Variants in HDAC9 observed in about 807,000 individuals in gnomAD.
HDAC9 encodes the protein histone deacetylase 9.
HDAC9 carries 41 observed loss-of-function variants against 139.4 expected under a neutral mutation model. That is an observed-to-expected ratio of 0.29 (90% CI 0.23 to 0.38). The LOEUF is 0.38. HDAC9 is among the 10% of genes least tolerant of loss of function. The pLI is 1.00. For missense variants in HDAC9, 1,147 were observed against 1,297.0 expected, an observed-to-expected ratio of 0.88 and a Z score of 1.78; for synonymous variants, 517 against 476.2, an observed-to-expected ratio of 1.09 and a Z score of -1.12.
chr7:18,646,063 A>G (rs1330922968), intron 9 of HDAC9, among the ~76,000 whole-genome samples: 2 of 152,160 alleles, frequency 1.3e-5, no homozygotes, highest in African/African-American at 4.8e-5. Context: ...AATGAAAAAC[A>G]AAAAAAGGAA....
At chr7:18,145,726 C>A (rs1265035484) in intron 1 of HDAC9, among the ~76,000 whole-genome samples, 1 of 152,068 alleles carries the variant, frequency 6.6e-6, no homozygotes, top group Non-Finnish European at 1.5e-5. Flanking sequence ...ATGATTTTCT[C>A]ATCAATAGAA....
At chr7:18,897,006 A>T (rs140788590) in intron 22 of HDAC9, among the ~76,000 whole-genome samples, 68 of 152,196 alleles carry the variant, frequency 4.5e-4, no homozygotes, top group African/African-American at 1.6e-3. Flanking sequence ...ATACAATGAC[A>T]TTGTAAAGGA....
chr7:18,605,495 C>G (rs1258218133), intron 6 of HDAC9, among the ~76,000 whole-genome samples: 2 of 152,120 alleles, frequency 1.3e-5, no homozygotes, highest in Admixed American at 6.5e-5. Context: ...AAAATTGTTA[C>G]TTTTTCATTA....
intron 23 of HDAC9, among the ~76,000 whole-genome samples, chr7:18,942,222 G>T (rs1036414387): frequency 5.3e-5 from 8 of 151,950 alleles, no homozygotes; most frequent in Admixed American, 5.2e-4. Flanking sequence ...CAGAGATCGA[G>T]GAATATTTTA....
chr7:18,967,938 G>A (rs978116492), intron 24 of HDAC9, among the ~76,000 whole-genome samples: 1 of 152,098 alleles, frequency 6.6e-6, no homozygotes, highest in Non-Finnish European at 1.5e-5. Context: ...CGAGGCGGGC[G>A]GATCACCTGG....
chr7:18,138,429 T>G (rs1043449447), intron 1 of HDAC9, among the ~76,000 whole-genome samples: 8 of 151,954 alleles, frequency 5.3e-5, no homozygotes, highest in Non-Finnish European at 4.4e-5. Context: ...ACTCCTGGTT[T>G]TAGGAGATGG....
intron 17 of HDAC9, among the ~76,000 whole-genome samples, chr7:18,802,938 G>T (rs1428570287): frequency 6.6e-6 from 1 of 151,580 alleles, no homozygotes; most frequent in African/African-American, 2.4e-5. Context: ...TAATATGACT[G>T]TGTATTTTAA....
chr7:18,411,955 AG>A (rs1291343585), intron 1 of HDAC9, among the ~76,000 whole-genome samples: 2 of 149,990 alleles, frequency 1.3e-5, no homozygotes, highest in African/African-American at 4.9e-5. Flanking sequence ...CCTCCTGAGT[AG>A]CTGGGACTAC....
At chr7:18,396,792 C>T (rs1787104400) in intron 1 of HDAC9, among the ~76,000 whole-genome samples, 1 of 152,110 alleles carries the variant, frequency 6.6e-6, no homozygotes, top group South Asian at 2.1e-4. Flanking sequence ...CTTCAGTTAG[C>T]ATGTTTATCC....
chr7:18,864,309 G>A (rs1798327647), intron 21 of HDAC9, among the ~76,000 whole-genome samples: 1 of 152,188 alleles, frequency 6.6e-6, no homozygotes, highest in Admixed American at 6.5e-5. Flanking sequence ...TCACTTACAT[G>A]AGGTATCTAA....
chr7:18,447,639 G>C (rs775402636), intron 1 of HDAC9, among the ~76,000 whole-genome samples: 1 of 152,134 alleles, frequency 6.6e-6, no homozygotes, highest in Non-Finnish European at 1.5e-5. Flanking sequence ...TAAAACATCT[G>C]TATTCAGAGT....
At chr7:18,865,364 A>G (rs1441867627) in intron 21 of HDAC9, among the ~76,000 whole-genome samples, 1 of 152,158 alleles carries the variant, frequency 6.6e-6, no homozygotes. Flanking sequence ...AAGATGAAAA[A>G]TTGAGGCAAT....
intron 12 of HDAC9, among the ~76,000 whole-genome samples, chr7:18,720,548 A>G (rs1328272994): frequency 6.6e-6 from 1 of 151,738 alleles, no homozygotes; most frequent in Non-Finnish European, 1.5e-5. Flanking sequence ...TATCAGTGAA[A>G]TTATTTCATA....
At chr7:18,504,121 A>G (rs918577772) in intron 2 of HDAC9, among the ~76,000 whole-genome samples, 21 of 152,184 alleles carry the variant, frequency 1.4e-4, no homozygotes, top group Admixed American at 1.3e-3. Context: ...GCACTGTTTT[A>G]ACTTTATTCT....
intron 1 of HDAC9, among the ~76,000 whole-genome samples, chr7:18,366,102 A>T (rs1784158871): frequency 6.6e-6 from 1 of 151,126 alleles, no homozygotes; most frequent in African/African-American, 2.4e-5. Context: ...AAAATTCCCC[A>T]CTGCTATAAT....
intron 1 of HDAC9, among the ~76,000 whole-genome samples, chr7:18,404,730 T>C (rs1378479099): frequency 8.5e-5 from 13 of 152,280 alleles, no homozygotes; most frequent in Admixed American, 6.5e-4. Flanking sequence ...ATATAAACAA[T>C]AGTTAAGTTT....
At chr7:18,137,365 G>A (rs1051255897) in intron 1 of HDAC9, among the ~76,000 whole-genome samples, 1 of 150,586 alleles carries the variant, frequency 6.6e-6, no homozygotes, top group African/African-American at 2.5e-5. Flanking sequence ...GTGAGAGAGG[G>A]CATCCCTGTC....
At chr7:18,467,654 TC>T (rs2128116611) in intron 1 of HDAC9, among the ~76,000 whole-genome samples, 1 of 152,322 alleles carries the variant, frequency 6.6e-6, no homozygotes, top group South Asian at 2.1e-4. Flanking sequence ...GATATTACAG[TC>T]CCCATATATT....
intron 2 of HDAC9, among the ~76,000 whole-genome samples, chr7:18,525,678 A>G (rs999556924): frequency 2.0e-5 from 3 of 152,140 alleles, no homozygotes; most frequent in Non-Finnish European, 2.9e-5. Context: ...CTGCTGAAAC[A>G]TAGAATATAT....
Sources: gnomAD v4.1 joint callset for allele counts (sites outside exome capture counted in the v4.1 genomes callset) on GRCh38, gnomAD v4.1.1 for gene constraint, MANE v1.5 for transcripts, NCBI Gene and HGNC (gene_info 2026-07-23, HGNC 2026-07-21) for gene names.